Variants in CYP19A1 observed in about 807,000 individuals in gnomAD.
The protein encoded by CYP19A1 is aromatase.
CYP19A1 carries 32 observed loss-of-function variants against 44.4 expected under a neutral mutation model. The observed-to-expected ratio is 0.72, with a 90% CI of 0.54 to 0.97. The LOEUF (loss-of-function observed/expected upper bound fraction) is 0.97, where lower values mean the gene tolerates loss of function less well. CYP19A1 is among the 50% of genes least tolerant of loss of function. The probability of loss-of-function intolerance (pLI) is 0.00; values close to 1 mark genes in which losing one functional copy is unlikely to be tolerated. For missense variants in CYP19A1, 598 were observed against 637.8 expected (o/e 0.94, Z 0.67); for synonymous variants, 212 against 215.6 (o/e 0.98, Z 0.14).
chr15:51,245,447 C>T (rs185980503), intron 1 of CYP19A1, among the ~76,000 whole-genome samples: 79 of 152,280 alleles, frequency 5.2e-4, no homozygotes, highest in Admixed American at 4.4e-3. Flanking sequence ...CCCACTAACT[C>T]GTCATCTGCA....
rs540221553 is a variant in CYP19A1, at chr15:51,246,655, C to T, written c.-38-3705G>A. Among the ~76,000 whole-genome samples, 49 of 152,306 alleles carry T rather than the reference C, an allele frequency of 3.2e-4. 1 individual carries two copies. In the South Asian group the frequency reaches 8.5e-3, roughly 26 times the overall value. The stretch of plus-strand genomic sequence containing the variant: ...ACACATTCAGGGTCCCACAGTGCCA[C>T]GAAGGACTCCCAGATCCCCTAGTAC... On this transcript the variant is annotated intron_variant, in intron 1 of 9. Transcript: ENST00000396402.
intron 1 of CYP19A1, among the ~76,000 whole-genome samples, chr15:51,302,519 G>T (rs953320133): frequency 1.3e-5 from 2 of 152,246 alleles, no homozygotes; most frequent in African/African-American, 4.8e-5. Flanking sequence ...TGGTAGGCAA[G>T]ATGTTAAAGC....
chr15:51,295,139 T>G lies in CYP19A1; in HGVS notation c.-39+43356A>C, dbSNP rs79413438. ...GCTTGGAGCGAATTAACAACGTGTT[T>G]TTTTTTTTTTTTTTTTAATTAATTT... On this transcript the variant is annotated intron_variant, in intron 1 of 9. Transcript: ENST00000396402. 9.3e-3 allele frequency among the ~76,000 whole-genome samples: 828 copies of G among 88,560 alleles called. 11 individuals are homozygous for G. Among genetic ancestry groups the G allele is most frequent in the African/African-American group, 0.063 (791 of 12,546 alleles). 58.1% of individuals were successfully genotyped at this position (88,560 alleles called of 152,430 possible).
intron 5 of CYP19A1, among the ~76,000 whole-genome samples, chr15:51,220,072 A>G (rs1595677885): frequency 1.3e-5 from 2 of 152,316 alleles, no homozygotes; most frequent in East Asian, 3.9e-4. Flanking sequence ...GTAGTATACC[A>G]GGTAGCATGT....
At chr15:51,261,385 C>T (rs1253176555) in intron 1 of CYP19A1, among the ~76,000 whole-genome samples, 2 of 152,124 alleles carry the variant, frequency 1.3e-5, no homozygotes, top group East Asian at 1.9e-4. Flanking sequence ...AAGGAGCAGG[C>T]CAATGTCATC....
At position 51,222,348 on chromosome 15, in the gene CYP19A1, C is replaced by T. The variant is rs2032166947; in HGVS notation, c.628+1G>A. On this transcript the variant is annotated splice_donor_variant, in intron 5 of 9. Coordinates refer to ENST00000396402, the MANE Select transcript of CYP19A1 (RefSeq NM_000103.4). LOFTEE classifies it high-confidence loss of function. Reference sequence around the variant, plus strand: ...AGATGTGAGAGTGAAAATTTCAGTACCGTCCAAAGGGATCCTCAAGAAGAG... The same window carrying T: ...AGATGTGAGAGTGAAAATTTCAGTATCGTCCAAAGGGATCCTCAAGAAGAG... 1 of 1,614,094 alleles carries T rather than the reference C, an allele frequency of 6.2e-7. No individual in the cohort carries two copies. Among genetic ancestry groups the T allele is most frequent in the Non-Finnish European group, 8.5e-7 (1 of 1,180,004 alleles).
chr15:51,313,535 G>A lies in CYP19A1; in HGVS notation c.-39+24960C>T, dbSNP rs12592347. Among the ~76,000 whole-genome samples, 16 of 152,314 alleles carry A rather than the reference G, an allele frequency of 1.1e-4. No homozygotes were observed. The East Asian group carries it at 3.1e-3, about 29-fold the overall frequency. ...CTTAAGGCCAGGCACAGTGGCTCAT[G>A]CCTGTAATCCCAGCACTTTGGGAGG... On this transcript the variant is annotated intron_variant, in intron 1 of 9. Transcript: ENST00000396402.
chr15:51,315,298 A>G (rs536538681), intron 1 of CYP19A1, among the ~76,000 whole-genome samples: 1 of 152,200 alleles, frequency 6.6e-6, no homozygotes, highest in South Asian at 2.1e-4. Flanking sequence ...CTTCCGTCCC[A>G]ACTGCCAGAC....
chr15:51,238,138 T>C (rs1221061580), intron 2 of CYP19A1, among the ~76,000 whole-genome samples: 2 of 152,258 alleles, frequency 1.3e-5, no homozygotes, highest in African/African-American at 4.8e-5. Context: ...TCAGCTCTTT[T>C]TTCCCTTTAA....
intron 1 of CYP19A1, among the ~76,000 whole-genome samples, chr15:51,246,985 G>C (rs538124607): frequency 2.0e-5 from 3 of 152,124 alleles, no homozygotes; most frequent in Non-Finnish European, 4.4e-5. Flanking sequence ...ACCTGTCTCT[G>C]AGAGCTGACA....
intron 1 of CYP19A1, among the ~76,000 whole-genome samples, chr15:51,324,946 G>T (rs762139387): frequency 3.0e-4 from 45 of 152,146 alleles, no homozygotes; most frequent in Non-Finnish European, 5.4e-4. Context: ...CATTTTTGGT[G>T]AAAATGAGAA....
intron 1 of CYP19A1, among the ~76,000 whole-genome samples, chr15:51,309,445 C>T (rs1225506534): frequency 6.6e-6 from 1 of 152,168 alleles, no homozygotes; most frequent in Non-Finnish European, 1.5e-5. Context: ...TGGCCCCCAA[C>T]TCCCCCACTC....
chr15:51,336,619 T>C (rs2036779512), intron 1 of CYP19A1, among the ~76,000 whole-genome samples: 1 of 152,192 alleles, frequency 6.6e-6, no homozygotes, highest in African/African-American at 2.4e-5. Flanking sequence ...ATTATTTACT[T>C]CACAATCAGG....
chr15:51,278,398 A>C (rs60137663), intron 1 of CYP19A1, among the ~76,000 whole-genome samples: 132 of 152,284 alleles, frequency 8.7e-4, no homozygotes, highest in African/African-American at 3.0e-3. Context: ...ATGGAGTTAC[A>C]TAGTTGCTGG....
intron 1 of CYP19A1, among the ~76,000 whole-genome samples, chr15:51,332,477 T>C (rs2036716932): frequency 6.6e-6 from 1 of 152,254 alleles, no homozygotes; most frequent in Non-Finnish European, 1.5e-5. Context: ...TCAGCAATTA[T>C]ATTACACATT....
intron 1 of CYP19A1, among the ~76,000 whole-genome samples, chr15:51,264,152 A>C (rs2034831712): frequency 6.6e-6 from 1 of 152,202 alleles, no homozygotes; most frequent in South Asian, 2.1e-4. Context: ...ACTGCTGTAG[A>C]GAAGGGACTT....
intron 1 of CYP19A1, among the ~76,000 whole-genome samples, chr15:51,269,196 A>G (rs1357782835): frequency 6.6e-6 from 1 of 152,072 alleles, no homozygotes; most frequent in Non-Finnish European, 1.5e-5. Flanking sequence ...AATTTTGTAT[A>G]TGGTATGAGG....
chr15:51,230,470 T>C (rs1263526008), intron 3 of CYP19A1, among the ~76,000 whole-genome samples: 1 of 152,160 alleles, frequency 6.6e-6, no homozygotes. Context: ...GGCAAACCTA[T>C]TGTCTGTTCA....
chr15:51,243,051 C>A (rs901203509), intron 1 of CYP19A1, 101 bp from the exon 2 acceptor site: 4 of 756,796 alleles, frequency 5.3e-6, no homozygotes, highest in Admixed American at 3.5e-5. Context: ...GATTCACTTA[C>A]TGTTTTATAA....
Sources: gnomAD v4.1 joint callset for allele counts (sites outside exome capture counted in the v4.1 genomes callset) on GRCh38, gnomAD v4.1.1 for gene constraint, MANE v1.5 for transcripts, NCBI Gene and HGNC (gene_info 2026-07-23, HGNC 2026-07-21) for gene names.